Variants in SLC35D1 observed in about 807,000 individuals in gnomAD.
SLC35D1 encodes solute carrier family 35 member D1.
A neutral mutation model predicts 46.7 loss-of-function variants in SLC35D1; 31 were observed. The ratio of observed to expected loss-of-function variants is 0.66; its 90% CI spans 0.50 to 0.90. The LOEUF is 0.90. SLC35D1 is among the 40% of genes least tolerant of loss of function. The probability of loss-of-function intolerance (pLI) is 0.00; values close to 1 mark genes in which losing one functional copy is unlikely to be tolerated. For synonymous variants in SLC35D1, 195 were observed against 164.6 expected (o/e 1.18, Z -1.41); for missense variants, 397 against 426.2 (o/e 0.93, Z 0.60).
At chr1:67,041,166 C>T (rs1225680065) in intron 8 of SLC35D1, among the ~76,000 whole-genome samples, 1 of 152,052 alleles carries the variant, frequency 6.6e-6, no homozygotes, top group African/African-American at 2.4e-5. Context: ...AGTTTCTTGT[C>T]CCATTTTTTT....
chr1:66,976,796 A>AT, the SLC35D1 span: 2 of 1,263,538 alleles, frequency 1.6e-6, no homozygotes, highest in Non-Finnish European at 2.1e-6. Context: ...TGAGTTAATT[A>AT]TTATTTTGAT....
At chr1:66,994,415 C>T (rs566331482), downstream of SLC35D1, among the ~76,000 whole-genome samples, 3 of 152,180 alleles carry the variant, frequency 2.0e-5, no homozygotes, top group African/African-American at 4.8e-5. Context: ...GAGGCCGAGG[C>T]GGGTGATCAC....
At chr1:66,994,410 C>T (rs181465108), downstream of SLC35D1, among the ~76,000 whole-genome samples, 71 of 152,158 alleles carry the variant, frequency 4.7e-4, no homozygotes, top group Middle Eastern at 6.8e-3. Context: ...TCTGGGAGGC[C>T]GAGGCGGGTG....
chr1:67,023,584 C>G (rs1667856078), intron 8 of SLC35D1, among the ~76,000 whole-genome samples: 1 of 150,718 alleles, frequency 6.6e-6, no homozygotes, highest in Admixed American at 6.6e-5. Flanking sequence ...CTCCTGGGTT[C>G]AAGCGATTCT....
At chr1:66,983,822 G>A in the SLC35D1 span, among the ~76,000 whole-genome samples, 1 of 152,180 alleles carries the variant, frequency 6.6e-6, no homozygotes, top group Non-Finnish European at 1.5e-5. Context: ...CCGCCTCCTG[G>A]GTTCAAGTGA....
chr1:67,047,448 C>T (rs2102362209), intron 6 of SLC35D1, 81 bp from the exon 7 acceptor site: 1 of 1,159,142 alleles, frequency 8.6e-7, no homozygotes. Flanking sequence ...AAAATATTTA[C>T]AAGAACATAT....
chr1:67,032,661 A>G (rs1179511403), intron 8 of SLC35D1, among the ~76,000 whole-genome samples: 1 of 152,202 alleles, frequency 6.6e-6, no homozygotes, highest in East Asian at 1.9e-4. Context: ...AGCCTGGGCA[A>G]GAAGAGTAAA....
intron 6 of SLC35D1, 146 bp downstream of exon 6, chr1:67,049,636 G>A: frequency 1.4e-6 from 1 of 740,234 alleles, no homozygotes. Context: ...CAGCCAAAAA[G>A]ATTTAACCTT....
chr1:67,053,846 G>C lies in SLC35D1; in HGVS notation c.168C>G (p.Ile56Met). Residue 56 changes from isoleucine (I) to methionine (M), a missense_variant, in exon 1 of 12, where the codon ATC becomes ATG. By Grantham distance (10) the Ile-to-Met change is conservative. Transcript: ENST00000235345. Reference protein sequence around the residue: ...AGFYGVSSFLIVVVNKSVLTN... With the variant: ...AGFYGVSSFLMVVVNKSVLTN... ...TGAGCACGCTCTTATTCACCACCAC[G>C]ATCAGGAAGGAGCTCACGCCGTAAA... The C allele has an allele frequency of 6.2e-7, 1 of 1,613,252 alleles. No homozygotes were observed. Among genetic ancestry groups the C allele is most frequent in the South Asian group, 1.1e-5 (1 of 91,040 alleles).
At chr1:66,993,181 CTGAGAATGG>C in the SLC35D1 span, among the ~76,000 whole-genome samples, 1 of 152,186 alleles carries the variant, frequency 6.6e-6, no homozygotes, top group Non-Finnish European at 1.5e-5. Context: ...TTAGTAGGCT[CTGAGAATGG>C]CAGGAATGTG....
intron 11 of SLC35D1, 66 bp downstream of exon 11, chr1:67,009,019 C>T (rs1570607375): frequency 1.3e-6 from 1 of 778,368 alleles, no homozygotes; most frequent in East Asian, 2.6e-5. Flanking sequence ...AATAGCCTAA[C>T]CTTATTGTGA....
chr1:67,037,352 G>C (rs1316295728), intron 8 of SLC35D1, among the ~76,000 whole-genome samples: 1 of 152,106 alleles, frequency 6.6e-6, no homozygotes, highest in African/African-American at 2.4e-5. Context: ...GAAATTAAGA[G>C]AGAAAGGGAG....
chr1:66,982,139 T>G, the SLC35D1 span, among the ~76,000 whole-genome samples: 2 of 152,208 alleles, frequency 1.3e-5, no homozygotes, highest in Non-Finnish European at 2.9e-5. Context: ...CTGTCAACAG[T>G]GACTATTTCT....
chr1:66,984,444 A>T, the SLC35D1 span: 2 of 661,076 alleles, frequency 3.0e-6, no homozygotes, highest in Non-Finnish European at 5.0e-6. Context: ...TAAGTAATAG[A>T]GCAAGAATTT....
Position 67,021,572 on chromosome 1 carries a change from G to A in SLC35D1, c.760C>T (p.Leu254Phe), listed in dbSNP as rs1570619184. ...AVEFEGWADT[L>F]FLLQFTLSCV... is the part of the protein sequence containing the mutation. ...GAGAGGGTGAACTGCAGAAGAAAGA[G>A]GGTGTCAGCCCAGCCTTCAAACTCC... Residue 254 changes from leucine (L) to phenylalanine (F), a missense_variant, in exon 9 of 12, where the codon CTC becomes TTC. Physicochemically the swap from Leu to Phe is conservative, Grantham distance 22. Coordinates refer to ENST00000235345, the MANE Select transcript of SLC35D1 (RefSeq NM_015139.3). 1.2e-6 allele frequency: 2 copies of A among 1,613,968 alleles called. No homozygotes were observed. The highest frequency in any genetic ancestry group is 1.1e-5 in the South Asian group (1 of 91,074).
Position 67,004,196 on chromosome 1 carries a change from A to G in SLC35D1, c.*144T>C. On this transcript the variant is annotated 3_prime_UTR_variant, in exon 12 of 12. Transcript: ENST00000235345. ...CTCTCTTCATAAAATTTTAAAAGGCAGCAATCAATCCTCAGATTGTACAAG... is the reference window on the plus strand; with the variant it reads ...CTCTCTTCATAAAATTTTAAAAGGCGGCAATCAATCCTCAGATTGTACAAG... The G allele has an allele frequency of 2.8e-6, 2 of 711,042 alleles. No individual in the cohort carries two copies. The highest frequency in any genetic ancestry group is 4.4e-5 in the Admixed American group (2 of 45,514). 44.0% of individuals were successfully genotyped at this position (711,042 alleles called of 1,614,324 possible).
At chr1:67,027,014 A>G (rs1406548663) in intron 8 of SLC35D1, among the ~76,000 whole-genome samples, 1 of 152,196 alleles carries the variant, frequency 6.6e-6, no homozygotes, top group Non-Finnish European at 1.5e-5. Context: ...TGGGAACTAC[A>G]ATTCAAGATG....
At chr1:66,993,570 T>C in the SLC35D1 span, among the ~76,000 whole-genome samples, 4 of 152,214 alleles carry the variant, frequency 2.6e-5, no homozygotes, top group African/African-American at 4.8e-5. Flanking sequence ...TCATATACTT[T>C]ACTGCTTGTT....
the SLC35D1 span, chr1:66,982,041 A>G: frequency 9.7e-6 from 9 of 927,244 alleles, 1 homozygote; most frequent in Middle Eastern, 4.4e-4. Flanking sequence ...ATGATAACAC[A>G]TGAGACAAAC....
Sources: allele counts gnomAD v4.1 joint callset (sites outside exome capture counted in the v4.1 genomes callset), GRCh38; gene constraint gnomAD v4.1.1; transcripts MANE v1.5; gene names NCBI Gene and HGNC (gene_info 2026-07-23, HGNC 2026-07-21).